The following DAPK1 variants were observed in gnomAD, a reference collection of about 807,000 sequenced individuals.
DAPK1 encodes death associated protein kinase 1, also known as death-associated protein kinase 1.
DAPK1 carries 56 observed loss-of-function variants against 144.9 expected under a neutral mutation model. The observed-to-expected ratio is 0.39, with a 90% confidence interval of 0.31 to 0.48. The LOEUF is 0.48. Ranked by LOEUF, DAPK1 falls within the 20% of genes least tolerant of loss-of-function variation. The pLI is 0.95. For missense variants in DAPK1, 1,454 were observed against 1,875.4 expected, an observed-to-expected ratio of 0.78 and a Z score of 4.15; for synonymous variants, 690 against 749.0, an observed-to-expected ratio of 0.92 and a Z score of 1.29.
Position 87,706,043 on chromosome 9 carries a change from C to A in DAPK1, c.3061-89C>A. On this transcript the variant is annotated intron_variant, in intron 25 of 25. Coordinates refer to ENST00000408954, the MANE Select transcript of DAPK1 (RefSeq NM_004938.4). The surrounding 1 kb of genome is among the most constrained non-coding windows in gnomAD (Gnocchi z 9.0). ...TAGAGCATCTGCTCAGCCTCTGTTG[C>A]CGGCATCAGGCCCTTTAGTGCTCTA... 1 of 937,988 alleles carries A rather than the reference C, an allele frequency of 1.1e-6. No individual in the cohort carries two copies. Among genetic ancestry groups the A allele is most frequent in the Admixed American group, 2.2e-5 (1 of 44,940 alleles). The allele number at this position is 937,988 out of a possible 1,614,324, so 58.1% of individuals were successfully genotyped here. A position where few individuals can be genotyped will look rare whatever the true frequency, so the allele number is the denominator to read the frequency against.
intron 9 of DAPK1, among the ~76,000 whole-genome samples, chr9:87,641,062 AACTGAAGAAGGTCAAGCCC>A (rs1486441355): frequency 1.3e-5 from 2 of 152,200 alleles, no homozygotes; most frequent in African/African-American, 4.8e-5. Context: ...ACAGAGCAGG[AACTGAAGAAGGTCAAGCCC>A]ACTCGACAAC....
At chr9:87,672,942 C>T (rs528122844) in intron 19 of DAPK1, among the ~76,000 whole-genome samples, 3 of 152,230 alleles carry the variant, frequency 2.0e-5, no homozygotes, top group African/African-American at 7.2e-5. Flanking sequence ...AGGAGACAAT[C>T]GGGTACATGA....
chr9:87,557,722 CTT>C (rs1314851311), intron 2 of DAPK1, among the ~76,000 whole-genome samples: 2 of 152,176 alleles, frequency 1.3e-5, no homozygotes, highest in Non-Finnish European at 2.9e-5. Context: ...GGGTGGATCA[CTT>C]GAGGTCAGGA....
chr9:87,545,781 G>A (rs1210189127), intron 2 of DAPK1, among the ~76,000 whole-genome samples: 1 of 151,946 alleles, frequency 6.6e-6, no homozygotes, highest in Non-Finnish European at 1.5e-5. Flanking sequence ...CTGACCTCAG[G>A]TGATCCACCC....
chr9:87,518,728 G>A (rs969921219), intron 2 of DAPK1, among the ~76,000 whole-genome samples: 3 of 152,202 alleles, frequency 2.0e-5, no homozygotes, highest in East Asian at 1.9e-4. Context: ...GCGTAGAACC[G>A]TATGTACAAA....
chr9:87,512,939 G>T (rs1824905453), intron 2 of DAPK1, among the ~76,000 whole-genome samples: 1 of 151,740 alleles, frequency 6.6e-6, no homozygotes, highest in Admixed American at 6.6e-5. Context: ...GAGCCACCAT[G>T]CCTGGCCGAG....
intron 13 of DAPK1, 95 bp from the exon 14 acceptor site, chr9:87,647,210 C>A: frequency 9.9e-7 from 1 of 1,006,494 alleles, no homozygotes; most frequent in South Asian, 1.3e-5. Context: ...GGTTTGTCAT[C>A]ACACAGGAAG....
At chr9:87,698,559 G>T (rs573282177) in intron 22 of DAPK1, 97 bp from the exon 23 acceptor site, 189 of 741,144 alleles carry the variant, frequency 2.6e-4, no homozygotes, top group Non-Finnish European at 4.2e-4. Flanking sequence ...TGGAGAGTCG[G>T]CCTGGGCATG....
intron 2 of DAPK1, among the ~76,000 whole-genome samples, chr9:87,500,219 A>T (rs924326589): frequency 2.0e-5 from 3 of 152,194 alleles, no homozygotes; most frequent in Non-Finnish European, 4.4e-5. Flanking sequence ...GAATTTTTTT[A>T]AAAGTTACTG....
intron 2 of DAPK1, among the ~76,000 whole-genome samples, chr9:87,555,730 C>T (rs957754921): frequency 4.6e-5 from 7 of 152,196 alleles, no homozygotes; most frequent in African/African-American, 1.4e-4. Context: ...CTCGAACTCC[C>T]GACCTCAGGT....
intron 16 of DAPK1, among the ~76,000 whole-genome samples, 183 bp from the exon 17 acceptor site, chr9:87,651,344 G>A (rs1263845653): frequency 2.0e-5 from 3 of 152,250 alleles, no homozygotes; most frequent in South Asian, 2.1e-4. Flanking sequence ...GTAAAGCTCC[G>A]CATCCTCCCA....
chr9:87,682,715 G>A (rs1438748565), intron 20 of DAPK1, among the ~76,000 whole-genome samples: 5 of 152,210 alleles, frequency 3.3e-5, no homozygotes, highest in Admixed American at 1.3e-4. Context: ...AGAGTACTGT[G>A]TGCCAGGAAC....
intron 18 of DAPK1, among the ~76,000 whole-genome samples, chr9:87,664,264 A>G (rs1009263558): frequency 6.6e-6 from 1 of 151,814 alleles, no homozygotes; most frequent in African/African-American, 2.4e-5. Context: ...CCCATCATGG[A>G]GTTGTCACCT....
intron 2 of DAPK1, among the ~76,000 whole-genome samples, chr9:87,566,942 A>C (rs36232912): frequency 0.017 from 2,617 of 152,280 alleles, 59 homozygotes; most frequent in African/African-American, 0.057. Context: ...TGAACTGATA[A>C]CTATACATTC....
At chr9:87,575,455 T>A (rs1827522097) in intron 2 of DAPK1, among the ~76,000 whole-genome samples, 1 of 151,940 alleles carries the variant, frequency 6.6e-6, no homozygotes, top group Non-Finnish European at 1.5e-5. Context: ...CAGCATTGGG[T>A]GCTTTATGGG....
intron 2 of DAPK1, among the ~76,000 whole-genome samples, chr9:87,531,293 A>G (rs1335420174): frequency 1.3e-5 from 2 of 152,134 alleles, no homozygotes; most frequent in Non-Finnish European, 2.9e-5. Flanking sequence ...GGAGTTCATT[A>G]CTGGTGCCAC....
intron 15 of DAPK1, among the ~76,000 whole-genome samples, chr9:87,649,547 C>T (rs1367124785): frequency 1.3e-5 from 2 of 152,200 alleles, no homozygotes; most frequent in Non-Finnish European, 2.9e-5. Flanking sequence ...CAGCGAGGCA[C>T]TTATTAGAAA....
At chr9:87,566,724 C>A (rs900485049) in intron 2 of DAPK1, among the ~76,000 whole-genome samples, 2 of 152,068 alleles carry the variant, frequency 1.3e-5, no homozygotes, top group East Asian at 1.9e-4. Context: ...GACTGATGTT[C>A]GGAATGAGAA....
chr9:87,555,330 C>T (rs554183950), intron 2 of DAPK1, among the ~76,000 whole-genome samples: 14 of 152,290 alleles, frequency 9.2e-5, no homozygotes, highest in Non-Finnish European at 1.9e-4. Flanking sequence ...AGCAACATAT[C>T]TGCCCTCCCT....
Sources: allele counts gnomAD v4.1 joint callset (sites outside exome capture counted in the v4.1 genomes callset), GRCh38; gene constraint gnomAD v4.1.1; non-coding constraint Gnocchi (gnomAD v3.1); transcripts MANE v1.5; gene names NCBI Gene and HGNC (gene_info 2026-07-23, HGNC 2026-07-21).